POLR3A: variants seen among roughly 807,000 people sequenced by gnomAD.
POLR3A encodes DNA-directed RNA polymerase III subunit RPC1.
Under a neutral mutation model 152.8 loss-of-function variants are expected in POLR3A, and 112 were observed. That is an observed-to-expected ratio of 0.73 (90% CI 0.63 to 0.86). The LOEUF is 0.86. POLR3A is among the 40% of genes least tolerant of loss of function. The probability of loss-of-function intolerance (pLI) is 0.00; values close to 1 mark genes in which losing one functional copy is unlikely to be tolerated. For synonymous variants in POLR3A, 615 were observed against 652.1 expected (o/e 0.94, Z 0.87); for missense variants, 1,385 against 1,743.1 (o/e 0.79, Z 3.66).
In POLR3A at chr10:78,017,606, G is replaced by A. The variant is rs1589316371; in HGVS notation, c.1400C>T (p.Ser467Leu). ...AGCCATAATGCTCAATTTGTGCAGCGAGGGCTGCCGATTGAACAGCACCAC... is the reference window on the plus strand; with the variant it reads ...AGCCATAATGCTCAATTTGTGCAGCAAGGGCTGCCGATTGAACAGCACCAC... Reference protein sequence around the residue: ...GDVVLFNRQPSLHKLSIMAHL... With the variant: ...GDVVLFNRQPLLHKLSIMAHL... Residue 467 changes from serine (S) to leucine (L), a missense_variant, in exon 10 of 31, where the codon TCG becomes TTG. This residue lies in a region of POLR3A where 493 missense variants were observed against 647.5 expected (regional missense o/e 0.76). Transcript: ENST00000372371. 1.2e-6 allele frequency: 2 copies of A among 1,614,096 alleles called. No homozygotes were observed. The highest frequency in any genetic ancestry group is 1.7e-6 in the Non-Finnish European group (2 of 1,179,942).
intron 19 of POLR3A, 96 bp downstream of exon 19, chr10:77,999,884 TA>T (rs1159732926): frequency 3.2e-6 from 4 of 1,239,216 alleles, no homozygotes; most frequent in Non-Finnish European, 4.7e-6. Context: ...CAAGACTAGA[TA>T]AATTACAGCT....
intron 20 of POLR3A, 24 bp from the exon 21 acceptor site, chr10:77,991,191 A>G: frequency 1.5e-6 from 2 of 1,369,342 alleles, no homozygotes; most frequent in Non-Finnish European, 2.1e-6. Flanking sequence ...AGAAAATTGC[A>G]TTATGTGTGG....
chr10:78,023,421 C>A (rs191534682), intron 5 of POLR3A, among the ~76,000 whole-genome samples: 13 of 151,960 alleles, frequency 8.6e-5, no homozygotes, highest in African/African-American at 2.9e-4. Flanking sequence ...GATCGTGCAA[C>A]CGCACTCCAG....
chr10:78,016,131 A>T (rs1308973160), intron 10 of POLR3A, among the ~76,000 whole-genome samples: 2 of 152,226 alleles, frequency 1.3e-5, no homozygotes, highest in East Asian at 3.8e-4. Flanking sequence ...TTTCCATTTT[A>T]AATCTCCAGA....
chr10:77,977,625 C>G lies in POLR3A; in HGVS notation c.4026G>C (p.Gly1342=). The part of the protein sequence containing the change: ...AYFGQKDSVC[G]VSECIIMGIP... ...TTCCCATGATGATGCACTCAGACAC[C>G]CCTGAAACCAACCAGAATGAACATC... The change falls in exon 31 of 31, where the codon GGG becomes GGC. Residue 1342 remains glycine, a splice_region_variant and synonymous_variant. Coordinates refer to ENST00000372371, the MANE Select transcript of POLR3A (RefSeq NM_007055.4). 1 of 1,613,116 alleles carries G rather than the reference C, an allele frequency of 6.2e-7. No homozygotes were observed. Among genetic ancestry groups the G allele is most frequent in the Non-Finnish European group, 8.5e-7 (1 of 1,179,144 alleles).
Position 77,982,678 on chromosome 10 carries a change from T to G in POLR3A, c.3569A>C (p.Gln1190Pro). The G allele has an allele frequency of 6.2e-7, 1 of 1,613,542 alleles. No individual in the cohort carries two copies. Among genetic ancestry groups the G allele is most frequent in the Non-Finnish European group, 8.5e-7 (1 of 1,179,968 alleles). The change falls in exon 27 of 31, where the codon CAG becomes CCG. Residue 1190 changes from glutamine (Q) to proline (P), a missense_variant. Around this residue, in one of 7 missense-constraint regions of POLR3A, gnomAD observed 332 missense variants for 400.1 expected, o/e 0.83. Coordinates refer to ENST00000372371, the MANE Select transcript of POLR3A (RefSeq NM_007055.4). Reference sequence around the variant, plus strand: ...CTTGGGGAGATCCTCTTTCAGGAACTGCAGCACGTAGTACATGGAGCTCTT... The same window carrying G: ...CTTGGGGAGATCCTCTTTCAGGAACGGCAGCACGTAGTACATGGAGCTCTT... ...NSKSSMYYVL[Q>P]FLKEDLPKVV...
At position 78,026,157 on chromosome 10, in the gene POLR3A, C is replaced by T. The variant is rs1847632539; in HGVS notation, c.117G>A (p.Lys39=). The T allele has an allele frequency of 6.2e-7, 1 of 1,614,246 alleles. No homozygotes were observed. The highest frequency in any genetic ancestry group is 1.7e-5 in the Admixed American group (1 of 60,030). The change falls in exon 2 of 31, where the codon AAG becomes AAA. Residue 39 remains lysine (K), a synonymous_variant. Transcript: ENST00000372371. Reference sequence around the variant, plus strand: ...GTTGGTTGTCCTGGCTGTACAGGTTCTTACTCACAACTTGGATGTGCGCCT... The same window carrying T: ...GTTGGTTGTCCTGGCTGTACAGGTTTTTACTCACAACTTGGATGTGCGCCT... ...RQQAHIQVVS[K]NLYSQDNQHA...
rs751306954 is a variant in POLR3A at position 77,985,351 on chromosome 10, A to G, written c.3072-11T>C. Reference sequence around the variant, plus strand: ...GGCTCCATCTGTGCCCTAGAAGGCAAAGGTATGGATGAGATTGCAGCATGC... The same window carrying G: ...GGCTCCATCTGTGCCCTAGAAGGCAGAGGTATGGATGAGATTGCAGCATGC... On this transcript the variant is annotated splice_polypyrimidine_tract_variant and intron_variant, in intron 23 of 30. Transcript: ENST00000372371. 1 of 1,612,448 alleles carries G rather than the reference A, an allele frequency of 6.2e-7. No homozygotes were observed. Among genetic ancestry groups the G allele is most frequent in the South Asian group, 1.1e-5 (1 of 91,038 alleles).
intron 12 of POLR3A, 57 bp downstream of exon 12, chr10:78,010,414 C>A (rs533241861): frequency 1.6e-6 from 2 of 1,261,696 alleles, no homozygotes; most frequent in African/African-American, 2.9e-5. Flanking sequence ...TCACTATGAA[C>A]GAGGAACACT....
chr10:77,981,815 G>A (rs898903683), intron 28 of POLR3A, among the ~76,000 whole-genome samples: 14 of 146,054 alleles, frequency 9.6e-5, no homozygotes, highest in Non-Finnish European at 1.5e-5. Context: ...ATGAGGTCAG[G>A]AGATCGAGAC....
chr10:77,989,116 A>AG (rs1847224085), intron 21 of POLR3A, among the ~76,000 whole-genome samples: 1 of 152,256 alleles, frequency 6.6e-6, no homozygotes, highest in Non-Finnish European at 1.5e-5. Flanking sequence ...AAAGAAAAAC[A>AG]GCTCACTTTT....
At position 78,000,052 on chromosome 10, in the gene POLR3A, A is replaced by AG; in HGVS notation, c.2544dup (p.Phe849LeufsTer19). On this transcript the variant is annotated frameshift_variant, in exon 19 of 31. Transcript: ENST00000372371. LOFTEE classifies it high-confidence loss of function. ...CCTTCCCGGCCGGCCATTGTGTGGA[A>AG]GAAAAACTCAGTTGGTGTCAAACCG... 1 of 1,614,130 alleles carries AG rather than the reference A, an allele frequency of 6.2e-7. No homozygotes were observed. Among genetic ancestry groups the AG allele is most frequent in the East Asian group, 2.2e-5 (1 of 44,882 alleles).
At chr10:78,010,325 A>G in intron 12 of POLR3A, 146 bp downstream of exon 12, 2 of 729,144 alleles carry the variant, frequency 2.7e-6, no homozygotes, top group Non-Finnish European at 4.8e-6. Flanking sequence ...ACCCACGGGG[A>G]GGTTCATGAT....
intron 18 of POLR3A, among the ~76,000 whole-genome samples, chr10:78,000,527 T>C (rs1322338000): frequency 6.6e-6 from 1 of 152,204 alleles, no homozygotes; most frequent in Non-Finnish European, 1.5e-5. Flanking sequence ...TAACCATGCA[T>C]TGTCAATGTC....
Position 78,009,679 on chromosome 10 carries a change from A to G in POLR3A, c.1771-4T>C, listed in dbSNP as rs569766176. On this transcript the variant is annotated splice_polypyrimidine_tract_variant and splice_region_variant and intron_variant, in intron 13 of 30. Coordinates refer to ENST00000372371, the MANE Select transcript of POLR3A (RefSeq NM_007055.4). The stretch of plus-strand genomic sequence containing the variant: ...TTCCCGTCCACAGGGTGACAGGCTG[A>G]GGGGGGGAGGAAGCCTGAGAGTCAG... 131 of 1,614,014 alleles carry G rather than the reference A, an allele frequency of 8.1e-5. No individual in the cohort carries two copies. In the East Asian group the frequency reaches 2.7e-3, roughly 34 times the overall value.
chr10:77,981,710 G>A lies in POLR3A; in HGVS notation c.3760-151C>T, dbSNP rs113877564. The stretch of plus-strand genomic sequence containing the variant: ...GGGCAATTTTCAGTTGCAGACCCAC[G>A]GCAAATGGGATGGTCAGAGAAGTAT... On this transcript the variant is annotated intron_variant, in intron 28 of 30. Coordinates refer to ENST00000372371, the MANE Select transcript of POLR3A (RefSeq NM_007055.4). 1,102 of 934,150 alleles carry A rather than the reference G, an allele frequency of 1.2e-3. 7 individuals carry two copies. The African/African-American group carries it at 0.014, about 12-fold the overall frequency. 57.9% of individuals were successfully genotyped at this position (934,150 alleles called of 1,614,324 possible).
At chr10:77,983,091 T>C (rs890988778) in intron 26 of POLR3A, among the ~76,000 whole-genome samples, 20 of 152,290 alleles carry the variant, frequency 1.3e-4, no homozygotes, top group Admixed American at 2.0e-4. Flanking sequence ...ACACGCAGCC[T>C]CTGTGGGAAG....
At chr10:77,990,372 A>G (rs1457775993) in intron 21 of POLR3A, among the ~76,000 whole-genome samples, 2 of 152,222 alleles carry the variant, frequency 1.3e-5, no homozygotes, top group African/African-American at 4.8e-5. Flanking sequence ...ACTAGTACTA[A>G]TAATTATTGG....
chr10:77,991,204 G>T, intron 20 of POLR3A, 37 bp from the exon 21 acceptor site: 1 of 1,167,926 alleles, frequency 8.6e-7, no homozygotes, highest in Non-Finnish European at 1.3e-6. Flanking sequence ...ATGTGTGGGT[G>T]CCACAGAGAG....
Sources: allele counts gnomAD v4.1 joint callset (sites outside exome capture counted in the v4.1 genomes callset), GRCh38; gene constraint gnomAD v4.1.1; regional missense constraint gnomAD v4.1.1; transcripts MANE v1.5; gene names NCBI Gene and HGNC (gene_info 2026-07-23, HGNC 2026-07-21).